The following SLC24A2 variants were observed in gnomAD, a reference collection of about 807,000 sequenced individuals.
The protein encoded by SLC24A2 is solute carrier family 24 member 2, also known as sodium/potassium/calcium exchanger 2.
In SLC24A2, 36 loss-of-function variants were observed where a neutral mutation model predicts 62.0. The observed-to-expected ratio is 0.58, with a 90% CI of 0.44 to 0.77. The LOEUF (loss-of-function observed/expected upper bound fraction) is 0.77. SLC24A2 is among the 30% of genes least tolerant of loss of function. The pLI, the probability that SLC24A2 is intolerant of heterozygous loss-of-function variation, is 0.00. For missense variants in SLC24A2, 846 were observed against 817.9 expected (o/e 1.03, Z -0.42); for synonymous variants, 358 against 294.0 (o/e 1.22, Z -2.23).
chr9:19,868,545 C>T, the SLC24A2 span, among the ~76,000 whole-genome samples: 1 of 152,134 alleles, frequency 6.6e-6, no homozygotes, highest in Non-Finnish European at 1.5e-5. Context: ...TGTTAAATTT[C>T]TGTCTAGCTG....
At chr9:19,881,310 T>C in the SLC24A2 span, among the ~76,000 whole-genome samples, 1 of 151,990 alleles carries the variant, frequency 6.6e-6, no homozygotes, top group African/African-American at 2.4e-5. Flanking sequence ...GCAAATAGTG[T>C]CCCCAGAAGT....
chr9:19,939,917 C>G, the SLC24A2 span, among the ~76,000 whole-genome samples: 2 of 152,230 alleles, frequency 1.3e-5, no homozygotes, highest in African/African-American at 4.8e-5. Context: ...ATAAAATGCT[C>G]CAACTCACAC....
intron 7 of SLC24A2, among the ~76,000 whole-genome samples, chr9:19,563,665 C>G (rs970280273): frequency 1.3e-5 from 2 of 152,152 alleles, no homozygotes; most frequent in African/African-American, 4.8e-5. Context: ...AACAAAACTT[C>G]TGATTTTTAT....
At chr9:20,307,193 A>T in the SLC24A2 span, among the ~76,000 whole-genome samples, 1 of 152,210 alleles carries the variant, frequency 6.6e-6, no homozygotes, top group Non-Finnish European at 1.5e-5. Context: ...TACACACAAA[A>T]AAACAATTAT....
chr9:20,273,645 T>G, the SLC24A2 span, among the ~76,000 whole-genome samples: 1 of 152,200 alleles, frequency 6.6e-6, no homozygotes, highest in Non-Finnish European at 1.5e-5. Flanking sequence ...CCACCATGAT[T>G]GTGAGGCCTC....
intron 5 of SLC24A2, among the ~76,000 whole-genome samples, chr9:19,582,590 G>A (rs960058800): frequency 6.6e-6 from 1 of 152,094 alleles, no homozygotes; most frequent in Non-Finnish European, 1.5e-5. Context: ...TTGTGTTTTC[G>A]GTTCTGCCTT....
At chr9:20,061,224 G>A in the SLC24A2 span, among the ~76,000 whole-genome samples, 1 of 151,250 alleles carries the variant, frequency 6.6e-6, no homozygotes, top group Non-Finnish European at 1.5e-5. Flanking sequence ...TTCATATAAA[G>A]ATAGACCTAT....
the SLC24A2 span, among the ~76,000 whole-genome samples, chr9:20,020,196 T>C: frequency 6.6e-6 from 1 of 152,134 alleles, no homozygotes; most frequent in African/African-American, 2.4e-5. Flanking sequence ...AGAAATACCA[T>C]TTGACCCAGC....
At chr9:20,099,206 G>A in the SLC24A2 span, among the ~76,000 whole-genome samples, 2 of 152,178 alleles carry the variant, frequency 1.3e-5, no homozygotes, top group East Asian at 3.9e-4. Flanking sequence ...AGAAATGGTT[G>A]ACAATGATAT....
At chr9:19,898,527 G>A in the SLC24A2 span, among the ~76,000 whole-genome samples, 1 of 152,124 alleles carries the variant, frequency 6.6e-6, no homozygotes, top group Non-Finnish European at 1.5e-5. Flanking sequence ...TGGATCACGA[G>A]GTCAGGAGAT....
chr9:19,664,042 C>T (rs527949279), intron 2 of SLC24A2, among the ~76,000 whole-genome samples: 2 of 152,326 alleles, frequency 1.3e-5, no homozygotes, highest in Admixed American at 1.3e-4. Flanking sequence ...TGGTCATGAC[C>T]GTGTAGGGAA....
chr9:20,016,221 T>G, the SLC24A2 span, among the ~76,000 whole-genome samples: 1 of 152,214 alleles, frequency 6.6e-6, no homozygotes, highest in African/African-American at 2.4e-5. Flanking sequence ...TTTAGCTTGA[T>G]TGTACTGTAT....
the SLC24A2 span, among the ~76,000 whole-genome samples, chr9:20,153,771 G>GGGC: frequency 6.6e-6 from 1 of 151,918 alleles, no homozygotes; most frequent in Non-Finnish European, 1.5e-5. Flanking sequence ...AAGTATTGCA[G>GGGC]GGCAAAACAC....
chr9:19,734,021 A>T (rs1314829241), intron 2 of SLC24A2, among the ~76,000 whole-genome samples: 1 of 152,172 alleles, frequency 6.6e-6, no homozygotes, highest in Non-Finnish European at 1.5e-5. Context: ...CTCTCTGAGG[A>T]AGTAACATTT....
At chr9:19,929,199 A>G in the SLC24A2 span, 1 of 152,294 alleles carries the variant, frequency 6.6e-6, no homozygotes, top group South Asian at 2.1e-4. Context: ...GTTAACTCCA[A>G]ATTCCTCAGC....
the SLC24A2 span, among the ~76,000 whole-genome samples, chr9:19,819,327 A>G: frequency 6.6e-6 from 1 of 152,174 alleles, no homozygotes; most frequent in African/African-American, 2.4e-5. Flanking sequence ...AGCAAATGCA[A>G]TAAAAGCAAA....
chr9:20,288,689 C>T, the SLC24A2 span, among the ~76,000 whole-genome samples: 2 of 141,336 alleles, frequency 1.4e-5, no homozygotes, highest in South Asian at 4.6e-4. Context: ...ACCTGGAAGG[C>T]GGAGGTTGCA....
intron 2 of SLC24A2, among the ~76,000 whole-genome samples, chr9:19,726,334 A>C (rs1821167910): frequency 6.6e-6 from 1 of 152,216 alleles, no homozygotes; most frequent in Non-Finnish European, 1.5e-5. Context: ...AAAAGACAAA[A>C]TCAGGTTCTA....
In SLC24A2 at chr9:19,599,917, G is replaced by A. The variant is rs780154223; in HGVS notation, c.1079-2638C>T. Among the ~76,000 whole-genome samples the A allele has an allele frequency of 6.6e-5, 10 of 152,124 alleles. No individual in the cohort carries two copies. Among genetic ancestry groups the A allele is most frequent in the Non-Finnish European group, 1.2e-4 (8 of 68,024 alleles). On this transcript the variant is annotated intron_variant, in intron 4 of 10. Transcript: ENST00000341998. The surrounding 1 kb of genome is among the most constrained non-coding windows in gnomAD (Gnocchi z 4.5). The stretch of plus-strand genomic sequence containing the variant: ...ACACTCTCCATAATGAATAACTAAG[G>A]CACTTTGAACATAATTGGATTAGGA...
Sources: allele counts gnomAD v4.1 joint callset (sites outside exome capture counted in the v4.1 genomes callset), GRCh38; gene constraint gnomAD v4.1.1; non-coding constraint Gnocchi (gnomAD v3.1); transcripts MANE v1.5; gene names NCBI Gene and HGNC (gene_info 2026-07-23, HGNC 2026-07-21).